SNX29: variants seen among roughly 807,000 people sequenced by gnomAD.
SNX29 encodes the protein sorting nexin-29.
A neutral mutation model predicts 102.1 loss-of-function variants in SNX29; 78 were observed. The observed-to-expected ratio is 0.76, with a 90% CI of 0.64 to 0.92. The LOEUF is 0.92. Ranked by LOEUF, SNX29 falls within the 40% of genes least tolerant of loss-of-function variation. The pLI is 0.00. For missense variants in SNX29, 1,280 were observed against 1,061.7 expected, an observed-to-expected ratio of 1.21 and a Z score of -2.86; for synonymous variants, 580 against 414.5, an observed-to-expected ratio of 1.40 and a Z score of -4.85.
At position 12,048,526 on chromosome 16, in the gene SNX29, C is replaced by T. The variant is rs768501714; in HGVS notation, c.654C>T (p.Phe218=). The T allele has an allele frequency of 2.5e-6, 4 of 1,613,942 alleles. No homozygotes were observed. The highest frequency in any genetic ancestry group is 2.2e-5 in the East Asian group (1 of 44,870). Residue 218 remains phenylalanine, a synonymous_variant, in exon 7 of 21, where the codon TTC becomes TTT. Transcript: ENST00000566228. ...KESTQGVSSL[F]REITASSAVS... ...CCACGCAAGGAGTGAGCAGCCTGTT[C>T]AGGGAGATCACAGCCTCCTCTGCCG...
chr16:12,285,844 G>T (rs369813251), intron 15 of SNX29, among the ~76,000 whole-genome samples: 2 of 152,218 alleles, frequency 1.3e-5, no homozygotes, highest in South Asian at 4.1e-4. Context: ...TATGATGTTA[G>T]GTTTATTTAT....
chr16:12,466,531 A>AC (rs1284640849), intron 18 of SNX29, among the ~76,000 whole-genome samples: 7 of 151,574 alleles, frequency 4.6e-5, no homozygotes, highest in South Asian at 2.1e-4. Flanking sequence ...CAGATGTGGC[A>AC]CCCCCCCTTC....
At chr16:12,382,155 G>C (rs1315201262) in intron 16 of SNX29, among the ~76,000 whole-genome samples, 1 of 152,098 alleles carries the variant, frequency 6.6e-6, no homozygotes, top group Non-Finnish European at 1.5e-5. Context: ...TCATTCAGGA[G>C]GTATTTGCCG....
intron 14 of SNX29, among the ~76,000 whole-genome samples, chr16:12,261,701 C>T (rs113596804): frequency 8.2e-6 from 1 of 121,838 alleles, no homozygotes; most frequent in Non-Finnish European, 1.7e-5. Context: ...TTGCTGAGCT[C>T]GGGTCTGTGC....
At chr16:12,276,165 A>C (rs1402599736) in intron 14 of SNX29, among the ~76,000 whole-genome samples, 1 of 152,156 alleles carries the variant, frequency 6.6e-6, no homozygotes, top group Non-Finnish European at 1.5e-5. Context: ...AAGTGCTGGC[A>C]TTACAGGTGT....
Position 12,550,526 on chromosome 16 carries a change from A to G in SNX29, c.2319-17980A>G, listed in dbSNP as rs13338927. ...TTCCAGTCTGGGAGACACAGTCTCA[A>G]TCTACAAAAAAAAAAAAAAAACCAA... On this transcript the variant is annotated intron_variant, in intron 20 of 20. Transcript: ENST00000566228. 4.1e-3 allele frequency among the ~76,000 whole-genome samples: 509 copies of G among 124,762 alleles called. 3 individuals are homozygous for G. Among genetic ancestry groups the G allele is most frequent in the African/African-American group, 0.017 (449 of 27,206 alleles). The allele number at this position is 124,762 out of a possible 152,430, so 81.8% of individuals were successfully genotyped here. A position where few individuals can be genotyped will look rare whatever the true frequency, so the allele number is the denominator to read the frequency against.
At chr16:12,557,298 A>C (rs1044996581) in intron 20 of SNX29, 4 of 152,342 alleles carry the variant, frequency 2.6e-5, no homozygotes, top group African/African-American at 7.2e-5. Flanking sequence ...GGGACCCTGT[A>C]CAATTTAGTG....
At chr16:12,425,963 C>T (rs2085060947) in intron 18 of SNX29, among the ~76,000 whole-genome samples, 1 of 152,178 alleles carries the variant, frequency 6.6e-6, no homozygotes, top group Non-Finnish European at 1.5e-5. Flanking sequence ...CACCCAGCCA[C>T]AGCCTGCCAA....
intron 14 of SNX29, among the ~76,000 whole-genome samples, chr16:12,260,143 A>G (rs1393156959): frequency 6.6e-6 from 1 of 152,130 alleles, no homozygotes; most frequent in Non-Finnish European, 1.5e-5. Context: ...TGAGCTTTCA[A>G]CGTGATTTCT....
At chr16:12,025,949 G>A (rs918145173) in intron 3 of SNX29, among the ~76,000 whole-genome samples, 3 of 152,224 alleles carry the variant, frequency 2.0e-5, no homozygotes, top group Non-Finnish European at 2.9e-5. Context: ...GCTTCTTCAA[G>A]TGTAAAATGG....
At chr16:12,048,687 T>C (rs3960979) in intron 7 of SNX29, 67 bp downstream of exon 7, 31 of 1,613,140 alleles carry the variant, frequency 1.9e-5, no homozygotes, top group Non-Finnish European at 2.6e-5. Flanking sequence ...GGTGGACATA[T>C]CTTGTCATCT....
At chr16:12,191,795 A>G (rs190824670) in intron 13 of SNX29, among the ~76,000 whole-genome samples, 2 of 152,348 alleles carry the variant, frequency 1.3e-5, no homozygotes, top group East Asian at 3.9e-4. Context: ...CCACAAAGCC[A>G]GGCGATTTAT....
At chr16:12,038,485 C>A (rs1027089962) in intron 4 of SNX29, among the ~76,000 whole-genome samples, 1 of 152,112 alleles carries the variant, frequency 6.6e-6, no homozygotes, top group Non-Finnish European at 1.5e-5. Flanking sequence ...AGCCCTTGCC[C>A]GCTTTTTGAC....
chr16:12,529,619 C>G (rs2076878566), intron 20 of SNX29, among the ~76,000 whole-genome samples: 1 of 152,190 alleles, frequency 6.6e-6, no homozygotes, highest in African/African-American at 2.4e-5. Flanking sequence ...ATGTAGGTCA[C>G]AGCACAAATT....
chr16:12,312,747 C>T (rs759855697), intron 15 of SNX29, among the ~76,000 whole-genome samples: 2 of 151,986 alleles, frequency 1.3e-5, no homozygotes, highest in South Asian at 2.1e-4. Context: ...CAAATAACTT[C>T]CATGGTAAGG....
chr16:12,479,048 C>T (rs963637830), intron 19 of SNX29, among the ~76,000 whole-genome samples: 4 of 152,160 alleles, frequency 2.6e-5, no homozygotes, highest in Non-Finnish European at 5.9e-5. Context: ...CATGGTTGTT[C>T]TCAAAGTGTG....
chr16:12,550,911 G>A (rs1418541581), intron 20 of SNX29, among the ~76,000 whole-genome samples: 2 of 152,168 alleles, frequency 1.3e-5, no homozygotes, highest in African/African-American at 2.4e-5. Flanking sequence ...AGAATTGCTG[G>A]TTTTATTTAA....
intron 20 of SNX29, among the ~76,000 whole-genome samples, chr16:12,543,675 C>T (rs149361291): frequency 4.4e-4 from 67 of 152,338 alleles, no homozygotes; most frequent in Non-Finnish European, 6.9e-4. Context: ...AGCCTGCATT[C>T]AACAAGCCAG....
intron 13 of SNX29, among the ~76,000 whole-genome samples, chr16:12,164,229 A>T (rs893733083): frequency 2.0e-5 from 3 of 152,130 alleles, no homozygotes; most frequent in Non-Finnish European, 2.9e-5. Flanking sequence ...AAGAAATGTC[A>T]AGAGGGGCGC....
Sources: gnomAD v4.1 joint callset for allele counts (sites outside exome capture counted in the v4.1 genomes callset) on GRCh38, gnomAD v4.1.1 for gene constraint, MANE v1.5 for transcripts, NCBI Gene and HGNC (gene_info 2026-07-23, HGNC 2026-07-21) for gene names.